The following CLSTN1 variants were observed in gnomAD, a reference collection of about 807,000 sequenced individuals.
The protein encoded by CLSTN1 is calsyntenin-1.
Under a neutral mutation model 108.3 loss-of-function variants are expected in CLSTN1, and 28 were observed. The ratio of observed to expected loss-of-function variants is 0.26; its 90% CI spans 0.19 to 0.35. CLSTN1 has a LOEUF of 0.35. Ranked by LOEUF, CLSTN1 falls within the 10% of genes least tolerant of loss-of-function variation. The pLI, the probability that CLSTN1 is intolerant of heterozygous loss-of-function variation, is 1.00. For synonymous variants in CLSTN1, 524 were observed against 534.9 expected (o/e 0.98, Z 0.28); for missense variants, 1,157 against 1,302.6 (o/e 0.89, Z 1.72).
At chr1:9,809,328 T>A (rs1170556266) in intron 1 of CLSTN1, among the ~76,000 whole-genome samples, 1 of 152,140 alleles carries the variant, frequency 6.6e-6, no homozygotes, top group African/African-American at 2.4e-5. Context: ...TCTTCCTGGG[T>A]CAGCACCCAA....
chr1:9,748,026 A>G (rs1273738006), intron 7 of CLSTN1, among the ~76,000 whole-genome samples: 3 of 151,128 alleles, frequency 2.0e-5, no homozygotes, highest in African/African-American at 7.4e-5. Flanking sequence ...CCTGGGTGAC[A>G]GAGTGAGACT....
At position 9,749,797 on chromosome 1, in the gene CLSTN1, T is replaced by C; in HGVS notation, c.766A>G (p.Ser256Gly). 1 of 1,614,210 alleles carries C rather than the reference T, an allele frequency of 6.2e-7. No individual in the cohort carries two copies. Among genetic ancestry groups the C allele is most frequent in the Non-Finnish European group, 8.5e-7 (1 of 1,180,044 alleles). The change falls in exon 6 of 19, where the codon AGC becomes GGC. Residue 256 changes from serine to glycine, a missense_variant. By Grantham distance (56) the Ser-to-Gly change is moderately conservative. Transcript: ENST00000377298. ...CCAGGGGTGCAGGTGGGCTTAATGC[T>C]GATCTTCACCAAAACATCTTCTGTG... Reference protein sequence around the residue: ...RATEDVLVKISIKPTCTPGWQ... With the variant: ...RATEDVLVKIGIKPTCTPGWQ...
At chr1:9,790,769 G>A (rs80261896) in intron 1 of CLSTN1, among the ~76,000 whole-genome samples, 2,371 of 151,322 alleles carry the variant, frequency 0.016, 65 homozygotes, top group African/African-American at 0.053. Context: ...AAGAGACAGC[G>A]ACAATCACAA....
At chr1:9,732,020 G>T in intron 16 of CLSTN1, 124 bp from the exon 17 acceptor site, 2 of 1,043,952 alleles carry the variant, frequency 1.9e-6, no homozygotes, top group Non-Finnish European at 2.8e-6. Flanking sequence ...CGCAGCTGGG[G>T]GCAAACGGAG....
rs1651466832 is a variant in CLSTN1, at chr1:9,749,816, T to C, written c.747A>G (p.Glu249=). ...TAATGCTGATCTTCACCAAAACATC[T>C]TCTGTGGCTCTTTTCTTCCCACAGT... is the stretch of plus-strand genomic sequence containing the variant. ...AYDCGKKRAT[E]DVLVKISIKP... Residue 249 remains glutamate (E), a synonymous_variant, in exon 6 of 19, where the codon GAA becomes GAG. Coordinates refer to ENST00000377298, the MANE Select transcript of CLSTN1 (RefSeq NM_001009566.3). The C allele has an allele frequency of 1.9e-6, 3 of 1,614,100 alleles. No homozygotes were observed. Among genetic ancestry groups the C allele is most frequent in the African/African-American group, 1.3e-5 (1 of 74,958 alleles).
At chr1:9,791,585 G>A (rs774884908) in intron 1 of CLSTN1, among the ~76,000 whole-genome samples, 9 of 150,658 alleles carry the variant, frequency 6.0e-5, no homozygotes, top group Non-Finnish European at 8.8e-5. Context: ...AGGCTGAAGC[G>A]CAGTGGCACA....
intron 7 of CLSTN1, among the ~76,000 whole-genome samples, chr1:9,746,705 C>CT (rs140831605): frequency 6.6e-6 from 1 of 151,608 alleles, no homozygotes; most frequent in East Asian, 1.9e-4. Flanking sequence ...CAGTGAGACT[C>CT]TGTCTCAAAA....
rs149205224 is a variant in CLSTN1 at position 9,741,209 on chromosome 1, C to G, written c.1404G>C (p.Pro468=). 5 of 1,614,030 alleles carry G rather than the reference C, an allele frequency of 3.1e-6. No individual in the cohort carries two copies. The highest frequency in any genetic ancestry group is 3.4e-6 in the Non-Finnish European group (4 of 1,179,950). Residue 468 remains proline, a synonymous_variant, in exon 10 of 19, where the codon CCG becomes CCC. Transcript: ENST00000377298. Reference sequence around the variant, plus strand: ...TGCCATCCACATAGAGAGTCACACTCGGGAATTCTACATTGAGGACGTAGT... The same window carrying G: ...TGCCATCCACATAGAGAGTCACACTGGGGAATTCTACATTGAGGACGTAGT... ...WHHYVLNVEF[P]SVTLYVDGTS...
rs910600921 is a variant in CLSTN1, at chr1:9,823,189, C to G, written c.91+454G>C. On this transcript the variant is annotated intron_variant, in intron 1 of 18. Coordinates refer to ENST00000377298, the MANE Select transcript of CLSTN1 (RefSeq NM_001009566.3). This position sits in a 1 kb window ranked among gnomAD's most constrained non-coding sequence, Gnocchi z 6.3. ...CACACCAAAACTGTGCGTGCACCCC[C>G]CGCCTGATGCACATCTGAGCACACG... Among the ~76,000 whole-genome samples the G allele has an allele frequency of 2.0e-5, 3 of 152,212 alleles. No homozygotes were observed. Among genetic ancestry groups the G allele is most frequent in the African/African-American group, 7.2e-5 (3 of 41,458 alleles).
chr1:9,731,294 C>A lies in CLSTN1; in HGVS notation c.2660G>T (p.Arg887Leu). 1 of 1,614,242 alleles carries A rather than the reference C, an allele frequency of 6.2e-7. No individual in the cohort carries two copies. Among genetic ancestry groups the A allele is most frequent in the Non-Finnish European group, 8.5e-7 (1 of 1,180,046 alleles). ...LGVFRIRAAH[R>L]RTMRDQDTGK... ...GGTGTCCTGATCCCGCATGGTCCGC[C>A]GATGTGCGGCCCGGATCCGAAATAC... Residue 887 changes from arginine to leucine, a missense_variant, in exon 18 of 19, where the codon CGG (arginine) becomes CTG (leucine). Physicochemically the swap from Arg to Leu is moderately radical, Grantham distance 102 (BLOSUM62 -2). Coordinates refer to ENST00000377298, the MANE Select transcript of CLSTN1 (RefSeq NM_001009566.3).
chr1:9,819,044 T>C (rs1348165275), intron 1 of CLSTN1, among the ~76,000 whole-genome samples: 2 of 151,926 alleles, frequency 1.3e-5, no homozygotes. Flanking sequence ...TCCACCCACA[T>C]TGGCCTCCCA....
intron 2 of CLSTN1, among the ~76,000 whole-genome samples, chr1:9,763,311 G>A (rs971406074): frequency 5.3e-5 from 8 of 152,138 alleles, no homozygotes; most frequent in Admixed American, 2.6e-4. Flanking sequence ...CAAGAGTTAC[G>A]CTCTCGCAAG....
At chr1:9,798,202 G>C (rs1654100857) in intron 1 of CLSTN1, among the ~76,000 whole-genome samples, 1 of 151,288 alleles carries the variant, frequency 6.6e-6, no homozygotes, top group African/African-American at 2.4e-5. Flanking sequence ...AGAAAGAAAA[G>C]AAAAACTATA....
At chr1:9,817,851 C>T (rs1655032584) in intron 1 of CLSTN1, among the ~76,000 whole-genome samples, 1 of 152,064 alleles carries the variant, frequency 6.6e-6, no homozygotes. Context: ...CTGAAAGCAG[C>T]ATTCTAGTTC....
intron 1 of CLSTN1, among the ~76,000 whole-genome samples, chr1:9,798,278 T>C (rs929676584): frequency 2.6e-5 from 4 of 152,154 alleles, no homozygotes; most frequent in Admixed American, 6.6e-5. Flanking sequence ...CAAATACTTA[T>C]GAATGAATCA....
At chr1:9,731,709 C>T in intron 17 of CLSTN1, 52 bp downstream of exon 17, 1 of 1,598,396 alleles carries the variant, frequency 6.3e-7, no homozygotes, top group Non-Finnish European at 8.6e-7. Flanking sequence ...GGGGTGGGGG[C>T]AGGGCGGACG....
At position 9,730,957 on chromosome 1, in the gene CLSTN1, C is replaced by T. The variant is rs1413908605; in HGVS notation, c.2748+249G>A. Among the ~76,000 whole-genome samples, 2 of 152,330 alleles carry T rather than the reference C, an allele frequency of 1.3e-5. No individual in the cohort carries two copies. The highest frequency in any genetic ancestry group is 3.9e-4 in the East Asian group (2 of 5,180). ...ACCTCAGCTGCCCCACCAGAGAACT[C>T]TCTCAGGATTACCATGACCCAAGAG... On this transcript the variant is annotated intron_variant, in intron 18 of 18. Transcript: ENST00000377298. This position sits in a 1 kb window ranked among gnomAD's most constrained non-coding sequence, Gnocchi z 5.6.
rs1192983186 is a variant in CLSTN1, at chr1:9,751,551, C to G, written c.571G>C (p.Asp191His). Residue 191 changes from aspartate to histidine, a missense_variant, in exon 5 of 19, where the codon GAC becomes CAC. Transcript: ENST00000377298. ...ATCTGGCTGAACTGAGGGGAGCAGT[C>G]GGCATCCACGGCCTCCACCCTCAAA... ...SILRVEAVDADCSPQFSQICS... is the reference protein window; with the variant it reads ...SILRVEAVDAHCSPQFSQICS... 1 of 1,614,010 alleles carries G rather than the reference C, an allele frequency of 6.2e-7. No individual in the cohort carries two copies. The highest frequency in any genetic ancestry group is 1.3e-5 in the African/African-American group (1 of 74,922).
intron 16 of CLSTN1, among the ~76,000 whole-genome samples, chr1:9,732,896 A>C (rs747910442): frequency 6.6e-6 from 1 of 152,214 alleles, no homozygotes; most frequent in African/African-American, 2.4e-5. Flanking sequence ...GCTCTTTCTA[A>C]AACAGTGTCT....
Sources: gnomAD v4.1 joint callset for allele counts (sites outside exome capture counted in the v4.1 genomes callset) on GRCh38, gnomAD v4.1.1 for gene constraint, Gnocchi (gnomAD v3.1) non-coding constraint, MANE v1.5 for transcripts, NCBI Gene and HGNC (gene_info 2026-07-23, HGNC 2026-07-21) for gene names.